The following SHANK2 variants were observed in gnomAD, a reference collection of about 807,000 sequenced individuals.
SHANK2 encodes the protein SH3 and multiple ankyrin repeat domains 2, also known as SH3 and multiple ankyrin repeat domains protein 2.
A neutral mutation model predicts 133.7 loss-of-function variants in SHANK2; 43 were observed. The observed-to-expected ratio is 0.32, with a 90% confidence interval of 0.25 to 0.41. SHANK2 has a LOEUF of 0.41. Among genes scored for constraint, SHANK2 ranks in the 10% least tolerant of loss-of-function variants. The pLI is 1.00. For synonymous variants in SHANK2, 1,017 were observed against 952.8 expected, an observed-to-expected ratio of 1.07 and a Z score of -1.24; for missense variants, 1,994 against 2,235.8, an observed-to-expected ratio of 0.89 and a Z score of 2.18.
chr11:70,826,454 G>A (rs1400454645), intron 11 of SHANK2: 1 of 470,846 alleles, frequency 2.1e-6, no homozygotes, highest in African/African-American at 2.0e-5. Context: ...GCTCCCGACA[G>A]CTTTTTCCTT....
chr11:70,679,379 C>G (rs1374511483), intron 15 of SHANK2, among the ~76,000 whole-genome samples: 1 of 152,252 alleles, frequency 6.6e-6, no homozygotes, highest in African/African-American at 2.4e-5. Flanking sequence ...AGCAGCCAGC[C>G]AGCCCCCTTT....
At chr11:70,565,718 C>A (rs1357998089) in intron 17 of SHANK2, among the ~76,000 whole-genome samples, 1 of 152,168 alleles carries the variant, frequency 6.6e-6, no homozygotes, top group African/African-American at 2.4e-5. Context: ...GTTGTAAAAC[C>A]TATTACTTTA....
chr11:70,538,199 C>G (rs2059569247), intron 17 of SHANK2, among the ~76,000 whole-genome samples: 1 of 152,228 alleles, frequency 6.6e-6, no homozygotes, highest in African/African-American at 2.4e-5. Flanking sequence ...CACCCGGGGG[C>G]TCCTGCAGCC....
At chr11:70,691,163 G>A (rs1448828439) in intron 15 of SHANK2, among the ~76,000 whole-genome samples, 1 of 152,174 alleles carries the variant, frequency 6.6e-6, no homozygotes, top group African/African-American at 2.4e-5. Context: ...GAATGGATGA[G>A]GGGAGGGGTC....
intron 17 of SHANK2, among the ~76,000 whole-genome samples, chr11:70,509,806 T>C (rs2059178908): frequency 6.6e-6 from 1 of 152,238 alleles, no homozygotes; most frequent in African/African-American, 2.4e-5. Context: ...CCCTTTGCCC[T>C]TTCTGTCCTG....
At chr11:70,625,980 C>T (rs80197469) in intron 17 of SHANK2, among the ~76,000 whole-genome samples, 5 of 152,220 alleles carry the variant, frequency 3.3e-5, no homozygotes, top group East Asian at 1.9e-4. Flanking sequence ...CCCTCCCGCT[C>T]GGAGGGCTGA....
chr11:70,579,926 G>A (rs1554985044), intron 17 of SHANK2, among the ~76,000 whole-genome samples: 2 of 152,176 alleles, frequency 1.3e-5, no homozygotes, highest in African/African-American at 2.4e-5. Flanking sequence ...GAACACAGGC[G>A]GCCTCTAGAA....
chr11:70,595,175 A>G (rs1198499004), intron 17 of SHANK2, among the ~76,000 whole-genome samples: 5 of 152,022 alleles, frequency 3.3e-5, no homozygotes, highest in Admixed American at 2.6e-4. Flanking sequence ...CTGGCCCCTC[A>G]CATCGGCCAC....
chr11:70,785,540 C>G (rs1013973819), intron 14 of SHANK2, among the ~76,000 whole-genome samples: 4 of 152,224 alleles, frequency 2.6e-5, no homozygotes, highest in Non-Finnish European at 5.9e-5. Flanking sequence ...GGCAGCCTGC[C>G]GGTTGCAGGG....
intron 2 of SHANK2, among the ~76,000 whole-genome samples, chr11:71,216,128 A>G (rs1327986315): frequency 1.3e-5 from 2 of 152,210 alleles, no homozygotes; most frequent in Non-Finnish European, 1.5e-5. Context: ...CTAGGAATCT[A>G]CCCGAGAGAA....
intron 11 of SHANK2, among the ~76,000 whole-genome samples, chr11:70,857,637 T>C (rs1360879885): frequency 6.6e-6 from 1 of 152,120 alleles, no homozygotes; most frequent in African/African-American, 2.4e-5. Flanking sequence ...GCCCACCCCA[T>C]CATCCTCAGC....
intron 15 of SHANK2, among the ~76,000 whole-genome samples, chr11:70,690,828 T>C (rs1945274322): frequency 1.3e-5 from 2 of 151,944 alleles, no homozygotes; most frequent in African/African-American, 4.8e-5. Context: ...CTATTCAAAA[T>C]TGGAGGTGAG....
chr11:70,788,559 T>C (rs1947719504), intron 14 of SHANK2, among the ~76,000 whole-genome samples: 2 of 152,044 alleles, frequency 1.3e-5, no homozygotes, highest in South Asian at 4.1e-4. Context: ...AAAAACATGG[T>C]GTATGCAGTA....
At chr11:70,798,128 C>G (rs1185670194) in intron 14 of SHANK2, among the ~76,000 whole-genome samples, 2 of 151,962 alleles carry the variant, frequency 1.3e-5, no homozygotes, top group South Asian at 2.1e-4. Flanking sequence ...TAGAAGAGAT[C>G]GAAAAAGAAA....
chr11:70,948,635 C>T (rs930557290), intron 10 of SHANK2, among the ~76,000 whole-genome samples: 7 of 152,314 alleles, frequency 4.6e-5, no homozygotes, highest in Admixed American at 2.0e-4. Context: ...AGGGCCACGA[C>T]GCTGCAACGT....
chr11:70,751,722 C>G (rs1310124351), intron 14 of SHANK2, among the ~76,000 whole-genome samples: 2 of 151,704 alleles, frequency 1.3e-5, no homozygotes, highest in African/African-American at 4.8e-5. Context: ...GATAGCTACA[C>G]CAAAAAAGGG....
At chr11:70,570,995 T>C (rs1370275113) in intron 17 of SHANK2, among the ~76,000 whole-genome samples, 2 of 152,184 alleles carry the variant, frequency 1.3e-5, no homozygotes, top group Non-Finnish European at 2.9e-5. Flanking sequence ...GTGGTGTTCA[T>C]GGGTGTTAGC....
intron 17 of SHANK2, among the ~76,000 whole-genome samples, chr11:70,597,455 C>T (rs147510670): frequency 3.6e-4 from 54 of 151,896 alleles, no homozygotes; most frequent in Middle Eastern, 3.4e-3. Flanking sequence ...GAGCTGGCGG[C>T]GGTAAGATAA....
At chr11:70,695,337 C>T (rs1193799412) in intron 15 of SHANK2, among the ~76,000 whole-genome samples, 3 of 150,134 alleles carry the variant, frequency 2.0e-5, no homozygotes, top group African/African-American at 7.4e-5. Flanking sequence ...TATTCTACCA[C>T]AGTAAGAAAA....
Sources: allele counts gnomAD v4.1 joint callset (sites outside exome capture counted in the v4.1 genomes callset), GRCh38; gene constraint gnomAD v4.1.1; transcripts MANE v1.5; gene names NCBI Gene and HGNC (gene_info 2026-07-23, HGNC 2026-07-21).